Variants in DIAPH3 observed in about 807,000 individuals in gnomAD.
The protein encoded by DIAPH3 is diaphanous related formin 3.
In DIAPH3, 117 loss-of-function variants were observed where a neutral mutation model predicts 144.3. The observed-to-expected ratio is 0.81, with a 90% CI of 0.70 to 0.95. The LOEUF (loss-of-function observed/expected upper bound fraction) is 0.95. DIAPH3 is among the 40% of genes least tolerant of loss of function. The pLI, the probability that DIAPH3 is intolerant of heterozygous loss-of-function variation, is 0.00. For missense variants in DIAPH3, 1,421 were observed against 1,412.7 expected (o/e 1.01, Z -0.09); for synonymous variants, 519 against 488.9 (o/e 1.06, Z -0.81).
chr13:60,150,862 A>G (rs531473687), intron 1 of DIAPH3, among the ~76,000 whole-genome samples: 2 of 152,322 alleles, frequency 1.3e-5, no homozygotes, highest in East Asian at 3.9e-4. Context: ...AAGGCATCCC[A>G]GTTCAAAGGG....
chr13:59,899,283 A>C (rs559466445), intron 20 of DIAPH3, among the ~76,000 whole-genome samples: 7 of 152,204 alleles, frequency 4.6e-5, no homozygotes, highest in African/African-American at 1.7e-4. Context: ...TCATATATAC[A>C]TCTATCCTAT....
intron 27 of DIAPH3, among the ~76,000 whole-genome samples, chr13:59,748,266 G>A (rs2036803337): frequency 6.6e-6 from 1 of 152,202 alleles, no homozygotes; most frequent in Non-Finnish European, 1.5e-5. Context: ...AAGAACTTTG[G>A]CAGAGTGACG....
At chr13:59,990,830 A>G (rs754885283) in intron 12 of DIAPH3, among the ~76,000 whole-genome samples, 3 of 151,990 alleles carry the variant, frequency 2.0e-5, no homozygotes, top group Non-Finnish European at 4.4e-5. Flanking sequence ...ACTTATAAGA[A>G]GAAACTTATC....
intron 13 of DIAPH3, among the ~76,000 whole-genome samples, chr13:59,982,555 C>T (rs890312945): frequency 2.0e-5 from 3 of 151,426 alleles, no homozygotes; most frequent in Admixed American, 2.0e-4. Context: ...AGAAACATAA[C>T]CCTGCACAGA....
intron 17 of DIAPH3, among the ~76,000 whole-genome samples, chr13:59,943,527 C>T (rs922383126): frequency 2.6e-5 from 4 of 152,120 alleles, no homozygotes; most frequent in Non-Finnish European, 5.9e-5. Context: ...TAATCTATTT[C>T]GTTCATTCAT....
chr13:59,879,172 C>A, intron 21 of DIAPH3, 57 bp downstream of exon 21: 1 of 1,610,402 alleles, frequency 6.2e-7, no homozygotes, highest in South Asian at 1.1e-5. Context: ...GCAATCAGGG[C>A]TGACATTTAA....
chr13:60,037,416 T>C (rs2055311812), intron 5 of DIAPH3, among the ~76,000 whole-genome samples: 1 of 151,924 alleles, frequency 6.6e-6, no homozygotes, highest in African/African-American at 2.4e-5. Flanking sequence ...AAAACTAGCA[T>C]ACAAGTGAAA....
At chr13:60,092,231 G>A (rs936508389) in intron 4 of DIAPH3, among the ~76,000 whole-genome samples, 18 of 152,010 alleles carry the variant, frequency 1.2e-4, no homozygotes, top group Non-Finnish European at 2.2e-4. Flanking sequence ...CACATAAGCA[G>A]ATCCAAAACA....
intron 24 of DIAPH3, among the ~76,000 whole-genome samples, chr13:59,828,243 T>C (rs749338882): frequency 1.9e-4 from 29 of 151,982 alleles, no homozygotes; most frequent in Non-Finnish European, 3.7e-4. Context: ...CACCTTATCC[T>C]TCACCCCAGC....
At chr13:60,103,329 G>T (rs1326305416) in intron 3 of DIAPH3, among the ~76,000 whole-genome samples, 2 of 152,018 alleles carry the variant, frequency 1.3e-5, no homozygotes, top group Non-Finnish European at 2.9e-5. Flanking sequence ...AAGACAGCAT[G>T]CTCATTAAAT....
intron 17 of DIAPH3, among the ~76,000 whole-genome samples, chr13:59,958,462 A>G (rs1410335298): frequency 6.6e-6 from 1 of 152,168 alleles, no homozygotes; most frequent in African/African-American, 2.4e-5. Context: ...AAAGTTAATA[A>G]TGTATAAATC....
At chr13:59,923,057 A>G (rs1317590864) in intron 18 of DIAPH3, among the ~76,000 whole-genome samples, 1 of 152,152 alleles carries the variant, frequency 6.6e-6, no homozygotes, top group African/African-American at 2.4e-5. Flanking sequence ...AAACAAAGGT[A>G]ATCAGTATTT....
intron 27 of DIAPH3, among the ~76,000 whole-genome samples, chr13:59,769,746 G>C (rs1035287677): frequency 1.3e-5 from 2 of 151,918 alleles, no homozygotes; most frequent in Admixed American, 6.6e-5. Context: ...CCTGGTGTCA[G>C]ACCCGCAATA....
intron 25 of DIAPH3, among the ~76,000 whole-genome samples, chr13:59,780,794 A>T (rs1406705326): frequency 6.6e-6 from 1 of 152,208 alleles, no homozygotes; most frequent in African/African-American, 2.4e-5. Flanking sequence ...TGGGGAACAA[A>T]GATTGGAAAA....
At chr13:59,702,707 TA>T (rs2034178729) in intron 27 of DIAPH3, among the ~76,000 whole-genome samples, 1 of 152,180 alleles carries the variant, frequency 6.6e-6, no homozygotes, top group African/African-American at 2.4e-5. Flanking sequence ...AATATACAGT[TA>T]TATTCTTTAT....
intron 20 of DIAPH3, among the ~76,000 whole-genome samples, chr13:59,898,327 G>A (rs2046247485): frequency 1.3e-5 from 2 of 152,062 alleles, no homozygotes; most frequent in Non-Finnish European, 2.9e-5. Context: ...GAAATTGAAA[G>A]ATAGTAAGAA....
chr13:60,111,127 T>C (rs1007871793), intron 3 of DIAPH3, among the ~76,000 whole-genome samples: 6 of 152,126 alleles, frequency 3.9e-5, no homozygotes, highest in Admixed American at 1.3e-4. Context: ...TGGTTCGATA[T>C]ATAGTGCACG....
intron 25 of DIAPH3, among the ~76,000 whole-genome samples, chr13:59,799,751 A>C (rs2139463306): frequency 6.6e-6 from 1 of 152,340 alleles, no homozygotes; most frequent in South Asian, 2.1e-4. Context: ...TAGAAGCAAC[A>C]GCTCACTGTA....
intron 14 of DIAPH3, among the ~76,000 whole-genome samples, chr13:59,979,404 G>A (rs2050859697): frequency 1.3e-5 from 2 of 151,518 alleles, no homozygotes; most frequent in South Asian, 4.1e-4. Context: ...TGTTGGCTGG[G>A]GGAAGGGTCA....
Sources: allele counts gnomAD v4.1 joint callset (sites outside exome capture counted in the v4.1 genomes callset), GRCh38; gene constraint gnomAD v4.1.1; transcripts MANE v1.5; gene names NCBI Gene and HGNC (gene_info 2026-07-23, HGNC 2026-07-21).